DMD: variants seen among roughly 807,000 people sequenced by gnomAD.
DMD encodes mutant dystrophin.
DMD carries 63 observed loss-of-function variants against 330.1 expected under a neutral mutation model. The observed-to-expected ratio is 0.19, with a 90% CI of 0.16 to 0.24. DMD has a LOEUF of 0.24. DMD is among the 10% of genes least tolerant of loss of function. The probability of loss-of-function intolerance (pLI) is 1.00; values close to 1 mark genes in which losing one functional copy is unlikely to be tolerated. For missense variants in DMD, 3,344 were observed against 2,684.1 expected, an observed-to-expected ratio of 1.25 and a Z score of -5.43; for synonymous variants, 1,223 against 959.8, an observed-to-expected ratio of 1.27 and a Z score of -5.07.
intron 62 of DMD, among the ~76,000 whole-genome samples, chrX:31,300,628 A>G (rs1379804953): frequency 8.9e-6 from 1 of 111,879 alleles, no homozygotes; most frequent in African/African-American, 3.2e-5. Flanking sequence ...AAGTTATATA[A>G]ACAATATCTT....
intron 26 of DMD, among the ~76,000 whole-genome samples, chrX:32,451,170 G>C (rs897351124): frequency 6.3e-5 from 7 of 110,635 alleles, no homozygotes; most frequent in African/African-American, 2.3e-4. Flanking sequence ...ACTCAAACTT[G>C]TTAAAAATGA....
chrX:31,838,275 GA>G (rs1276318902), intron 48 of DMD, among the ~76,000 whole-genome samples: 1 of 111,233 alleles, frequency 9.0e-6, no homozygotes, highest in African/African-American at 3.3e-5. Context: ...TACTTTAAGA[GA>G]AAATAAAATA....
intron 63 of DMD, among the ~76,000 whole-genome samples, chrX:31,230,027 A>C (rs776292774): frequency 2.4e-4 from 27 of 112,465 alleles, no homozygotes; most frequent in Admixed American, 2.3e-3. Flanking sequence ...GGAGATCTTC[A>C]AGAACAGACC....
At chrX:32,230,771 T>C (rs748430172) in intron 43 of DMD, among the ~76,000 whole-genome samples, 2 of 111,686 alleles carry the variant, frequency 1.8e-5, no homozygotes, top group Non-Finnish European at 3.8e-5. Flanking sequence ...AGGCATAATA[T>C]ATATTTCACA....
At chrX:32,022,842 T>C (rs2095816630) in intron 44 of DMD, among the ~76,000 whole-genome samples, 1 of 107,536 alleles carries the variant, frequency 9.3e-6, no homozygotes, top group Non-Finnish European at 1.9e-5. Context: ...TTTTTTTTTT[T>C]TTCTTCTGAG....
At chrX:31,781,710 T>C (rs2091020013) in intron 50 of DMD, among the ~76,000 whole-genome samples, 1 of 111,479 alleles carries the variant, frequency 9.0e-6, no homozygotes, top group Non-Finnish European at 1.9e-5. Context: ...CTCAGCACTA[T>C]TGACATTTTT....
intron 11 of DMD, among the ~76,000 whole-genome samples, chrX:32,633,603 A>G (rs1248710589): frequency 8.9e-6 from 1 of 112,047 alleles, no homozygotes; most frequent in East Asian, 2.8e-4. Context: ...TTTCTGTACT[A>G]GGCCACTCTC....
chrX:31,588,435 C>T (rs1189390361), intron 55 of DMD, among the ~76,000 whole-genome samples: 6 of 111,532 alleles, frequency 5.4e-5, no homozygotes, highest in African/African-American at 2.0e-4. Flanking sequence ...ACCAGACAAC[C>T]AGAGACCACT....
chrX:32,249,572 G>A (rs1240127467), intron 43 of DMD, among the ~76,000 whole-genome samples: 2 of 111,244 alleles, frequency 1.8e-5, no homozygotes, highest in Admixed American at 9.7e-5. Context: ...GAAAATTGAG[G>A]TTCAGCTAAA....
intron 63 of DMD, among the ~76,000 whole-genome samples, chrX:31,239,247 G>A (rs1197048705): frequency 8.9e-6 from 1 of 112,103 alleles, no homozygotes; most frequent in Non-Finnish European, 1.9e-5. Flanking sequence ...CCTGACTGCT[G>A]AGAAATTTAA....
rs1569563834 is a variant in DMD, at chrX:32,465,567, T to TTG, written c.3163-869_3163-868insCA. On this transcript the variant is annotated intron_variant, in intron 23 of 78. Transcript: ENST00000357033. ...ACTGTCCTTGTTCAGGTCTTTTTTTTTTTGTTTGTTTTTTGTTTTTTTTTT... is the reference window on the plus strand; with the variant it reads ...ACTGTCCTTGTTCAGGTCTTTTTTTTTGTTTGTTTGTTTTTTGTTTTTTTTTT... Among the ~76,000 whole-genome samples, 116 of 63,525 alleles carry TTG rather than the reference T, an allele frequency of 1.8e-3. 3 individuals are homozygous for TTG. Among genetic ancestry groups the TTG allele is most frequent in the African/African-American group, 3.8e-3 (70 of 18,630 alleles). The allele number at this position is 63,525 out of a possible 115,157, so 55.2% of individuals were successfully genotyped here.
At chrX:31,516,521 C>G (rs1603298282) in intron 55 of DMD, among the ~76,000 whole-genome samples, 1 of 111,472 alleles carries the variant, frequency 9.0e-6, no homozygotes, top group Non-Finnish European at 1.9e-5. Context: ...GTTGTCGTCC[C>G]AAGAGAAACA....
intron 42 of DMD, among the ~76,000 whole-genome samples, chrX:32,290,050 C>T (rs1280877786): frequency 1.8e-5 from 2 of 111,917 alleles, no homozygotes; most frequent in African/African-American, 6.5e-5. Context: ...CTCATCTCTT[C>T]CCAGTCTCTT....
chrX:31,483,268 C>G (rs112656388), intron 57 of DMD, among the ~76,000 whole-genome samples: 23,546 of 108,119 alleles, frequency 0.22, 2,882 homozygotes, highest in African/African-American at 0.44. Context: ...GGATGGTCTC[C>G]ATCTCCCAAC....
intron 67 of DMD, among the ~76,000 whole-genome samples, chrX:31,199,026 A>G (rs976518927): frequency 8.9e-6 from 1 of 111,979 alleles, no homozygotes; most frequent in East Asian, 2.8e-4. Context: ...TTGAAGCCAT[A>G]ACATGATGTA....
At chrX:31,616,328 G>A (rs1198639379) in intron 55 of DMD, among the ~76,000 whole-genome samples, 2 of 111,368 alleles carry the variant, frequency 1.8e-5, no homozygotes, top group African/African-American at 3.3e-5. Flanking sequence ...AAGCTTAGAT[G>A]AAAAAAAGGA....
At chrX:32,684,833 A>C (rs1195609024) in intron 9 of DMD, among the ~76,000 whole-genome samples, 1 of 111,107 alleles carries the variant, frequency 9.0e-6, no homozygotes, top group Non-Finnish European at 1.9e-5. Flanking sequence ...ATTTATCAGC[A>C]TTATTTATAT....
chrX:33,266,544 C>T (rs1180311539), intron 1 of DMD, among the ~76,000 whole-genome samples: 1 of 107,380 alleles, frequency 9.3e-6, no homozygotes, highest in Non-Finnish European at 1.9e-5. Context: ...GGAGGCAATA[C>T]AAATATGAAT....
At chrX:32,974,021 A>G (rs907589162) in intron 2 of DMD, among the ~76,000 whole-genome samples, 18 of 111,381 alleles carry the variant, frequency 1.6e-4, no homozygotes, top group East Asian at 5.6e-4. Flanking sequence ...AAAAAGTGGG[A>G]AAAAAAAGCC....
Sources: allele counts gnomAD v4.1 joint callset (sites outside exome capture counted in the v4.1 genomes callset), GRCh38; gene constraint gnomAD v4.1.1; transcripts MANE v1.5; gene names NCBI Gene and HGNC (gene_info 2026-07-23, HGNC 2026-07-21).